Variants in LRMDA observed in about 807,000 individuals in gnomAD.
LRMDA encodes leucine-rich melanocyte differentiation-associated protein.
A neutral mutation model predicts 29.8 loss-of-function variants in LRMDA; 18 were observed. That is an observed-to-expected ratio of 0.60 (90% CI 0.42 to 0.90). The LOEUF is 0.90. Among genes scored for constraint, LRMDA ranks in the 40% least tolerant of loss-of-function variants. The probability of loss-of-function intolerance (pLI) is 0.00; values close to 1 mark genes in which losing one functional copy is unlikely to be tolerated. For missense variants in LRMDA, 273 were observed against 273.9 expected (o/e 1.00, Z 0.02); for synonymous variants, 125 against 109.4 (o/e 1.14, Z -0.89).
At chr10:76,521,673 C>T (rs377746043) in intron 6 of LRMDA, among the ~76,000 whole-genome samples, 3 of 152,118 alleles carry the variant, frequency 2.0e-5, no homozygotes, top group South Asian at 4.1e-4. Flanking sequence ...AGGTGGCTTT[C>T]ATTCACCAGT....
chr10:75,554,696 G>A (rs1840192927), intron 2 of LRMDA, among the ~76,000 whole-genome samples: 1 of 152,254 alleles, frequency 6.6e-6, no homozygotes, highest in South Asian at 2.1e-4. Flanking sequence ...ACGGATGTGA[G>A]CTTTTAGAGT....
intron 2 of LRMDA, among the ~76,000 whole-genome samples, chr10:75,484,774 A>C (rs1168989511): frequency 6.6e-6 from 1 of 152,212 alleles, no homozygotes; most frequent in Non-Finnish European, 1.5e-5. Context: ...CACAGCAAGA[A>C]GGTGGCCGTC....
intron 5 of LRMDA, among the ~76,000 whole-genome samples, chr10:76,214,666 C>T (rs1485207780): frequency 6.6e-6 from 1 of 152,116 alleles, no homozygotes; most frequent in Non-Finnish European, 1.5e-5. Flanking sequence ...CTTAATAGCT[C>T]ATTTTGTAGC....
chr10:75,754,467 C>T (rs576147716), intron 2 of LRMDA, among the ~76,000 whole-genome samples: 9 of 152,328 alleles, frequency 5.9e-5, no homozygotes, highest in African/African-American at 1.9e-4. Context: ...AGTTGCATTA[C>T]AATAAATTCA....
intron 2 of LRMDA, among the ~76,000 whole-genome samples, chr10:75,727,238 T>A (rs1842641819): frequency 1.3e-5 from 2 of 152,172 alleles, no homozygotes; most frequent in Admixed American, 1.3e-4. Context: ...TGGGATGGAA[T>A]CTCGATCAGT....
chr10:76,346,997 A>G (rs1203711114), intron 6 of LRMDA, among the ~76,000 whole-genome samples: 2 of 152,206 alleles, frequency 1.3e-5, no homozygotes, highest in South Asian at 4.1e-4. Context: ...AGCGTCAATT[A>G]TCAGAATACT....
At chr10:75,461,927 A>G (rs1475155069) in intron 2 of LRMDA, among the ~76,000 whole-genome samples, 1 of 152,232 alleles carries the variant, frequency 6.6e-6, no homozygotes, top group Non-Finnish European at 1.5e-5. Context: ...AGCAACTCAA[A>G]CCATTTTCAG....
At chr10:76,410,692 A>T (rs1841951132) in intron 6 of LRMDA, among the ~76,000 whole-genome samples, 1 of 151,968 alleles carries the variant, frequency 6.6e-6, no homozygotes, top group Non-Finnish European at 1.5e-5. Context: ...AGTGGCTCAC[A>T]CCTATAATCC....
intron 2 of LRMDA, among the ~76,000 whole-genome samples, chr10:75,457,102 T>C (rs184713177): frequency 3.3e-5 from 5 of 152,360 alleles, no homozygotes. Context: ...AGCAAGGTGT[T>C]CTTTCCAGCT....
intron 2 of LRMDA, among the ~76,000 whole-genome samples, chr10:75,877,845 C>T (rs1013212447): frequency 2.6e-5 from 4 of 152,130 alleles, no homozygotes; most frequent in East Asian, 1.9e-4. Flanking sequence ...GCTGTTTTCT[C>T]ACTCTATCCT....
At chr10:76,344,213 A>G (rs139362035) in intron 6 of LRMDA, among the ~76,000 whole-genome samples, 7 of 152,170 alleles carry the variant, frequency 4.6e-5, no homozygotes, top group Non-Finnish European at 1.0e-4. Flanking sequence ...GAATATGCAA[A>G]ATCTTTAGAC....
chr10:75,489,450 A>G (rs928744390), intron 2 of LRMDA, among the ~76,000 whole-genome samples: 5 of 152,316 alleles, frequency 3.3e-5, no homozygotes, highest in African/African-American at 1.2e-4. Context: ...GCTGTATGTG[A>G]AAGTTAGTCC....
At chr10:75,569,678 G>A (rs1356904140) in intron 2 of LRMDA, among the ~76,000 whole-genome samples, 1 of 152,346 alleles carries the variant, frequency 6.6e-6, no homozygotes, top group African/African-American at 2.4e-5. Flanking sequence ...GAGCTGGAAA[G>A]TGATCCAAGT....
intron 5 of LRMDA, among the ~76,000 whole-genome samples, chr10:76,188,537 T>C (rs554075225): frequency 6.6e-6 from 1 of 152,302 alleles, no homozygotes; most frequent in African/African-American, 2.4e-5. Context: ...TTGCGGGGCC[T>C]TTGTATCCCA....
At chr10:76,030,333 A>G (rs1848128758) in intron 2 of LRMDA, among the ~76,000 whole-genome samples, 1 of 152,134 alleles carries the variant, frequency 6.6e-6, no homozygotes, top group South Asian at 2.1e-4. Context: ...CATACTGTAT[A>G]TAGTAATATA....
At chr10:76,007,714 T>C (rs1474296097) in intron 2 of LRMDA, among the ~76,000 whole-genome samples, 3 of 152,178 alleles carry the variant, frequency 2.0e-5, no homozygotes, top group East Asian at 3.9e-4. Flanking sequence ...TTCACGGCCC[T>C]TGTGCACCGG....
intron 5 of LRMDA, among the ~76,000 whole-genome samples, chr10:76,090,647 G>T (rs562841484): frequency 6.6e-6 from 1 of 152,262 alleles, no homozygotes; most frequent in Non-Finnish European, 1.5e-5. Context: ...ACAGATGAAT[G>T]GAGAAACAAC....
At chr10:75,630,926 G>C (rs1372888501) in intron 2 of LRMDA, among the ~76,000 whole-genome samples, 2 of 152,162 alleles carry the variant, frequency 1.3e-5, no homozygotes, top group African/African-American at 4.8e-5. Flanking sequence ...CCTGGGCCTG[G>C]CTATGTGGAT....
At chr10:75,517,886 G>A (rs544999973) in intron 2 of LRMDA, among the ~76,000 whole-genome samples, 4 of 152,290 alleles carry the variant, frequency 2.6e-5, no homozygotes, top group African/African-American at 4.8e-5. Flanking sequence ...TCAATACCTA[G>A]TTTATTGAGA....
Sources: gnomAD v4.1 joint callset for allele counts (sites outside exome capture counted in the v4.1 genomes callset) on GRCh38, gnomAD v4.1.1 for gene constraint, MANE v1.5 for transcripts, NCBI Gene and HGNC (gene_info 2026-07-23, HGNC 2026-07-21) for gene names.